Variants in KIRREL3 observed in about 807,000 individuals in gnomAD.
KIRREL3 encodes kirre like nephrin family adhesion molecule 3.
A neutral mutation model predicts 89.7 loss-of-function variants in KIRREL3; 36 were observed. The ratio of observed to expected loss-of-function variants is 0.40; its 90% CI spans 0.31 to 0.53. The LOEUF (loss-of-function observed/expected upper bound fraction) is 0.53, where lower values mean the gene tolerates loss of function less well. KIRREL3 is among the 20% of genes least tolerant of loss of function. The probability of loss-of-function intolerance (pLI) is 0.49; values close to 1 mark genes in which losing one functional copy is unlikely to be tolerated. For missense variants in KIRREL3, 864 were observed against 1,056.6 expected (o/e 0.82, Z 2.53); for synonymous variants, 445 against 441.4 (o/e 1.01, Z -0.10).
intron 1 of KIRREL3, among the ~76,000 whole-genome samples, chr11:126,714,641 GT>G (rs1193339091): frequency 6.6e-6 from 1 of 152,148 alleles, no homozygotes; most frequent in Non-Finnish European, 1.5e-5. Flanking sequence ...AGAATGCCAC[GT>G]CCCAGAGTTG....
rs1276080016 is a variant in KIRREL3 at position 126,508,695 on chromosome 11, A to C, written c.433+12620T>G. 6.6e-6 allele frequency among the ~76,000 whole-genome samples: 1 copy of C among 152,190 alleles called. No homozygotes were observed. Among genetic ancestry groups the C allele is most frequent in the African/African-American group, 2.4e-5 (1 of 41,442 alleles). ...TAAAGGGCCAGGGTTTCAGAGCCAG[A>C]AGCGACTGCATTCAGATTCTCGTTC... On this transcript the variant is annotated intron_variant, in intron 4 of 16. Transcript: ENST00000525144. The surrounding 1 kb of genome is among the most constrained non-coding windows in gnomAD (Gnocchi z 4.9).
Position 126,982,508 on chromosome 11 carries a change from C to T in KIRREL3, c.55+17947G>A, listed in dbSNP as rs1366435136. ...TTAAAGTACATTAACTGAACTTCAA[C>T]ACCTGGGCAACAATGAGTGGCATCT... is the stretch of plus-strand genomic sequence containing the variant. On this transcript the variant is annotated intron_variant, in intron 1 of 16. Transcript: ENST00000525144. Among the ~76,000 whole-genome samples the T allele has an allele frequency of 2.5e-4, 38 of 152,202 alleles. 1 individual carries two copies. The highest frequency in any genetic ancestry group is 4.9e-4 in the Non-Finnish European group (33 of 68,038).
In KIRREL3 at chr11:126,645,587, A is replaced by C. The variant is rs932866036; in HGVS notation, c.56-82675T>G. Among the ~76,000 whole-genome samples the C allele has an allele frequency of 6.6e-6, 1 of 152,222 alleles. No homozygotes were observed. Among genetic ancestry groups the C allele is most frequent in the Non-Finnish European group, 1.5e-5 (1 of 68,046 alleles). ...CAGTGTTCCACCAGAGGCCTTCCAC[A>C]TCTAAATGGAAGCATCATGGCACGA... On this transcript the variant is annotated intron_variant, in intron 1 of 16. Coordinates refer to ENST00000525144, the MANE Select transcript of KIRREL3 (RefSeq NM_032531.4). The surrounding 1 kb of genome is among the most constrained non-coding windows in gnomAD (Gnocchi z 4.9).
rs1006586532 is a variant in KIRREL3, at chr11:126,579,957, T to C, written c.56-17045A>G. ...ACCTCCTGGATTCACGCCATTCTCC[T>C]GCCTCAGCCTCCCGAGTAGCTGGGA... On this transcript the variant is annotated intron_variant, in intron 1 of 16. Transcript: ENST00000525144. The surrounding 1 kb of genome is among the most constrained non-coding windows in gnomAD (Gnocchi z 5.3). 2.0e-5 allele frequency among the ~76,000 whole-genome samples: 3 copies of C among 152,014 alleles called. No individual in the cohort carries two copies. The highest frequency in any genetic ancestry group is 3.2e-3 in the Middle Eastern group (1 of 316).
intron 1 of KIRREL3, among the ~76,000 whole-genome samples, chr11:126,923,474 C>T (rs1441775949): frequency 4.6e-5 from 6 of 130,158 alleles, no homozygotes; most frequent in Non-Finnish European, 6.3e-5. Context: ...GACAGAGTCT[C>T]GCACTATCGC....
In KIRREL3 at chr11:126,564,732, G is replaced by A. The variant is rs1940389779; in HGVS notation, c.56-1820C>T. 1.3e-5 allele frequency among the ~76,000 whole-genome samples: 2 copies of A among 152,284 alleles called. No individual in the cohort carries two copies. The highest frequency in any genetic ancestry group is 2.9e-5 in the Non-Finnish European group (2 of 68,020). ...CCTTTGATGTTTACTTACTGTATTTGTGGATTCTTTCTAACAACCACCTTC... is the reference window on the plus strand; with the variant it reads ...CCTTTGATGTTTACTTACTGTATTTATGGATTCTTTCTAACAACCACCTTC... On this transcript the variant is annotated intron_variant, in intron 1 of 16. Coordinates refer to ENST00000525144, the MANE Select transcript of KIRREL3 (RefSeq NM_032531.4). This position sits in a 1 kb window ranked among gnomAD's most constrained non-coding sequence, Gnocchi z 7.4.
rs1565600463 is a variant in KIRREL3, at chr11:126,623,926, G to C, written c.56-61014C>G. Among the ~76,000 whole-genome samples, 2 of 152,180 alleles carry C rather than the reference G, an allele frequency of 1.3e-5. No individual in the cohort carries two copies. On this transcript the variant is annotated intron_variant, in intron 1 of 16. Transcript: ENST00000525144. The surrounding 1 kb of genome is among the most constrained non-coding windows in gnomAD (Gnocchi z 4.1). ...GTACCTCTTTTTATTCATTGAGAAA[G>C]TAACGGTGAGCAGTTTTGTGAATTC...
intron 1 of KIRREL3, chr11:126,944,910 C>T (rs2135126373): frequency 1.3e-5 from 2 of 152,336 alleles, no homozygotes; most frequent in South Asian, 4.1e-4. Context: ...GCCCTCTTTC[C>T]ACTTGCCTTT....
In KIRREL3 at chr11:126,870,314, T is replaced by C. The variant is rs980634938; in HGVS notation, c.55+130141A>G. 3.3e-5 allele frequency among the ~76,000 whole-genome samples: 5 copies of C among 152,182 alleles called. No homozygotes were observed. Among genetic ancestry groups the C allele is most frequent in the African/African-American group, 1.2e-4 (5 of 41,450 alleles). On this transcript the variant is annotated intron_variant, in intron 1 of 16. Transcript: ENST00000525144. This position sits in a 1 kb window ranked among gnomAD's most constrained non-coding sequence, Gnocchi z 4.4. Reference sequence around the variant, plus strand: ...TACTGCAAGACAGCTGGGATTGTCATGGACATCAATATGAAAGGCAGTGCA... The same window carrying C: ...TACTGCAAGACAGCTGGGATTGTCACGGACATCAATATGAAAGGCAGTGCA...
chr11:126,428,136 GCTTCAAGCC>G lies in KIRREL3; in HGVS notation c.1806+1034_1806+1042del, dbSNP rs1393526890. 2.0e-5 allele frequency among the ~76,000 whole-genome samples: 3 copies of G among 152,152 alleles called. No individual in the cohort carries two copies. The highest frequency in any genetic ancestry group is 2.9e-5 in the Non-Finnish European group (2 of 68,036). The stretch of plus-strand genomic sequence containing the variant: ...CTTGAGCACTTATTGTGTTCCATGG[GCTTCAAGCC>G]CTTCTGAGTTTTGTCCACTTCACCC... On this transcript the variant is annotated intron_variant, in intron 15 of 16. Transcript: ENST00000525144. The surrounding 1 kb of genome is among the most constrained non-coding windows in gnomAD (Gnocchi z 6.4).
chr11:126,918,715 T>C lies in KIRREL3; in HGVS notation c.55+81740A>G, dbSNP rs887583525. ...CATGGCAGACATTACTAATCAAGGA[T>C]AGTTCCCCTTTTCAAAATCTTTTCC... On this transcript the variant is annotated intron_variant, in intron 1 of 16. Coordinates refer to ENST00000525144, the MANE Select transcript of KIRREL3 (RefSeq NM_032531.4). This position sits in a 1 kb window ranked among gnomAD's most constrained non-coding sequence, Gnocchi z 6.5. Among the ~76,000 whole-genome samples the C allele has an allele frequency of 4.6e-5, 7 of 152,212 alleles. No homozygotes were observed. In the East Asian group the frequency reaches 1.2e-3, roughly 25 times the overall value.
intron 1 of KIRREL3, among the ~76,000 whole-genome samples, chr11:126,757,075 T>A (rs907199029): frequency 1.3e-5 from 2 of 152,168 alleles, no homozygotes; most frequent in African/African-American, 4.8e-5. Context: ...TTTCTGAGCA[T>A]TGGCAATCAA....
rs1036761842 is a variant in KIRREL3 at position 126,696,892 on chromosome 11, C to G, written c.56-133980G>C. ...ACTTGCTTTCCGGGCAGATTATCTT[C>G]CCTTTCTGAGTCTCAGTTTCTTCAT... is the stretch of plus-strand genomic sequence containing the variant. On this transcript the variant is annotated intron_variant, in intron 1 of 16. Transcript: ENST00000525144. This position sits in a 1 kb window ranked among gnomAD's most constrained non-coding sequence, Gnocchi z 4.4. 6.6e-6 allele frequency among the ~76,000 whole-genome samples: 1 copy of G among 152,174 alleles called. No individual in the cohort carries two copies. The highest frequency in any genetic ancestry group is 2.4e-5 in the African/African-American group (1 of 41,448).
rs1946703670 is a variant in KIRREL3 at position 126,909,084 on chromosome 11, T to C, written c.55+91371A>G. Among the ~76,000 whole-genome samples, 1 of 152,180 alleles carries C rather than the reference T, an allele frequency of 6.6e-6. No individual in the cohort carries two copies. The highest frequency in any genetic ancestry group is 6.5e-5 in the Admixed American group (1 of 15,286). ...ATTGTCTATTCACTTGGTTGAATCA[T>C]CTCTGAAGGTGCAGAACCCAGGCGA... On this transcript the variant is annotated intron_variant, in intron 1 of 16. Transcript: ENST00000525144. The surrounding 1 kb of genome is among the most constrained non-coding windows in gnomAD (Gnocchi z 4.5).
chr11:126,748,143 G>A lies in KIRREL3; in HGVS notation c.56-185231C>T, dbSNP rs9326284. Among the ~76,000 whole-genome samples, 2 of 151,942 alleles carry A rather than the reference G, an allele frequency of 1.3e-5. No individual in the cohort carries two copies. The highest frequency in any genetic ancestry group is 2.4e-5 in the African/African-American group (1 of 41,342). On this transcript the variant is annotated intron_variant, in intron 1 of 16. Transcript: ENST00000525144. This position sits in a 1 kb window ranked among gnomAD's most constrained non-coding sequence, Gnocchi z 4.6. ...GCTGAATTGTTTTTATGTTATTCCC[G>A]TTCCAGTGACTTCAGAGGTGGCCCA... is the stretch of plus-strand genomic sequence containing the variant.
Position 126,683,876 on chromosome 11 carries a change from AC to A in KIRREL3, c.56-120965del, listed in dbSNP as rs1264639384. On this transcript the variant is annotated intron_variant, in intron 1 of 16. Transcript: ENST00000525144. The surrounding 1 kb of genome is among the most constrained non-coding windows in gnomAD (Gnocchi z 5.2). ...GCCCCAGACGCGCGTGGGTCCACCTACCGTCCATCTACCGGGGTCACTGAGT... is the reference window on the plus strand; with the variant it reads ...GCCCCAGACGCGCGTGGGTCCACCTACGTCCATCTACCGGGGTCACTGAGT... 6.6e-6 allele frequency among the ~76,000 whole-genome samples: 1 copy of A among 152,078 alleles called. No homozygotes were observed. Among genetic ancestry groups the A allele is most frequent in the African/African-American group, 2.4e-5 (1 of 41,420 alleles).
rs888198345 is a variant in KIRREL3 at position 126,655,455 on chromosome 11, C to T, written c.56-92543G>A. Among the ~76,000 whole-genome samples, 5 of 152,168 alleles carry T rather than the reference C, an allele frequency of 3.3e-5. No individual in the cohort carries two copies. The highest frequency in any genetic ancestry group is 9.7e-5 in the African/African-American group (4 of 41,432). On this transcript the variant is annotated intron_variant, in intron 1 of 16. Transcript: ENST00000525144. This position sits in a 1 kb window ranked among gnomAD's most constrained non-coding sequence, Gnocchi z 5.0. Reference sequence around the variant, plus strand: ...CTTTTCTCCTTCACCCCTCCACTCCCCCCACAAACAACTGAATTTGGAAGG... The same window carrying T: ...CTTTTCTCCTTCACCCCTCCACTCCTCCCACAAACAACTGAATTTGGAAGG...
intron 5 of KIRREL3, among the ~76,000 whole-genome samples, chr11:126,468,011 G>A (rs1385572494): frequency 6.6e-6 from 1 of 152,200 alleles, no homozygotes; most frequent in Non-Finnish European, 1.5e-5. Flanking sequence ...GGTAAAAGGC[G>A]AGGCCAGTGG....
chr11:126,883,101 G>GT lies in KIRREL3; in HGVS notation c.55+117353dup, dbSNP rs1405896724. Among the ~76,000 whole-genome samples the GT allele has an allele frequency of 6.6e-6, 1 of 152,196 alleles. No individual in the cohort carries two copies. The highest frequency in any genetic ancestry group is 2.4e-5 in the African/African-American group (1 of 41,444). The stretch of plus-strand genomic sequence containing the variant: ...CCTCGTTTAAGTGACAGCAGGTAGG[G>GT]TTTGTTACTTTAATTCACTTTGCCT... On this transcript the variant is annotated intron_variant, in intron 1 of 16. Transcript: ENST00000525144. This position sits in a 1 kb window ranked among gnomAD's most constrained non-coding sequence, Gnocchi z 4.1.
Sources: gnomAD v4.1 joint callset for allele counts (sites outside exome capture counted in the v4.1 genomes callset) on GRCh38, gnomAD v4.1.1 for gene constraint, Gnocchi (gnomAD v3.1) non-coding constraint, MANE v1.5 for transcripts, NCBI Gene and HGNC (gene_info 2026-07-23, HGNC 2026-07-21) for gene names.